The following ARB2A variants were observed in gnomAD, a reference collection of about 807,000 sequenced individuals.
ARB2A encodes the protein cotranscriptional regulator ARB2A.
chr5:93,804,185 T>C, the ARB2A span, among the ~76,000 whole-genome samples: 1 of 152,140 alleles, frequency 6.6e-6, no homozygotes, highest in African/African-American at 2.4e-5. Context: ...ATACAAATTT[T>C]GTTTTGCGTA....
chr5:93,949,695 G>A, the ARB2A span, among the ~76,000 whole-genome samples: 2 of 151,758 alleles, frequency 1.3e-5, no homozygotes, highest in Non-Finnish European at 2.9e-5. Flanking sequence ...ATCAATCATT[G>A]CTGACTGCAA....
At chr5:94,056,292 T>C in the ARB2A span, among the ~76,000 whole-genome samples, 1 of 152,198 alleles carries the variant, frequency 6.6e-6, no homozygotes. Context: ...AACAACTAAA[T>C]AAAAAGACAT....
chr5:93,640,940 G>A, the ARB2A span, among the ~76,000 whole-genome samples: 2 of 151,896 alleles, frequency 1.3e-5, no homozygotes, highest in African/African-American at 2.4e-5. Context: ...GGTGGTTCAC[G>A]CCTGTAATCC....
the ARB2A span, among the ~76,000 whole-genome samples, chr5:93,854,851 A>C: frequency 6.6e-6 from 1 of 152,082 alleles, no homozygotes; most frequent in South Asian, 2.1e-4. Flanking sequence ...GTTCTTTTAC[A>C]TTTGCTGAGG....
the ARB2A span, chr5:93,861,389 G>A: frequency 6.7e-6 from 1 of 148,556 alleles, no homozygotes; most frequent in Admixed American, 6.7e-5. Flanking sequence ...AACTTGCCCT[G>A]GATTTTCCAC....
At chr5:93,620,334 T>G in the ARB2A span, 1 of 152,190 alleles carries the variant, frequency 6.6e-6, no homozygotes, top group Non-Finnish European at 1.5e-5. Context: ...TTTATAGATT[T>G]TTATGCAGAG....
the ARB2A span, among the ~76,000 whole-genome samples, chr5:94,090,588 T>A: frequency 6.6e-6 from 1 of 152,210 alleles, no homozygotes; most frequent in Non-Finnish European, 1.5e-5. Context: ...AGAGAGGGCA[T>A]CCTTGTCTTG....
chr5:93,652,726 C>T, the ARB2A span, among the ~76,000 whole-genome samples: 23 of 152,252 alleles, frequency 1.5e-4, no homozygotes, highest in African/African-American at 4.8e-4. Flanking sequence ...TTAAAGGCTT[C>T]GATGTGCTGA....
chr5:94,106,534 A>C, the ARB2A span, among the ~76,000 whole-genome samples: 1 of 152,094 alleles, frequency 6.6e-6, no homozygotes, highest in Non-Finnish European at 1.5e-5. Context: ...GGGGGAATGT[A>C]AATTTCAGCC....
chr5:93,878,406 T>G, the ARB2A span, among the ~76,000 whole-genome samples: 6 of 151,930 alleles, frequency 3.9e-5, no homozygotes, highest in Non-Finnish European at 1.5e-5. Context: ...TATGTGACCT[T>G]TGAAAAATTA....
At chr5:93,640,064 C>CAAA in the ARB2A span, among the ~76,000 whole-genome samples, 2 of 59,250 alleles carry the variant, frequency 3.4e-5, no homozygotes, top group Non-Finnish European at 6.4e-5. Flanking sequence ...ACTCTGTCTC[C>CAAA]AAAAAAAAAA....
the ARB2A span, among the ~76,000 whole-genome samples, chr5:93,673,419 T>C: frequency 1.3e-5 from 2 of 152,130 alleles, no homozygotes; most frequent in Non-Finnish European, 2.9e-5. Context: ...CTTTCAGCAT[T>C]ATTGTGTCAA....
At chr5:93,711,054 G>T in the ARB2A span, among the ~76,000 whole-genome samples, 2 of 151,992 alleles carry the variant, frequency 1.3e-5, no homozygotes, top group Non-Finnish European at 2.9e-5. Flanking sequence ...CTTCAATCTG[G>T]CAGTTTTACC....
the ARB2A span, among the ~76,000 whole-genome samples, chr5:93,640,433 AG>A: frequency 6.6e-6 from 1 of 151,980 alleles, no homozygotes; most frequent in South Asian, 2.1e-4. Context: ...TGGGCGACAG[AG>A]CAAGACTCCG....
At chr5:93,981,179 C>T in the ARB2A span, among the ~76,000 whole-genome samples, 1 of 151,934 alleles carries the variant, frequency 6.6e-6, no homozygotes, top group Admixed American at 6.6e-5. Context: ...ATGATCCTCC[C>T]ACCTCAGCTC....
the ARB2A span, among the ~76,000 whole-genome samples, chr5:93,980,229 T>G: frequency 6.6e-6 from 1 of 152,202 alleles, no homozygotes; most frequent in Non-Finnish European, 1.5e-5. Flanking sequence ...TATCTGAACC[T>G]AATTTTGAAT....
the ARB2A span, among the ~76,000 whole-genome samples, chr5:93,995,835 A>G: frequency 6.6e-6 from 1 of 152,176 alleles, no homozygotes; most frequent in African/African-American, 2.4e-5. Context: ...ACATACATAC[A>G]TGAAATTTCA....
the ARB2A span, among the ~76,000 whole-genome samples, chr5:94,031,272 G>A: frequency 1.3e-5 from 2 of 152,196 alleles, no homozygotes; most frequent in African/African-American, 4.8e-5. Flanking sequence ...ACCTTAAGTG[G>A]TCATAACCAG....
At chr5:93,731,504 C>A in the ARB2A span, among the ~76,000 whole-genome samples, 1 of 152,174 alleles carries the variant, frequency 6.6e-6, no homozygotes, top group Non-Finnish European at 1.5e-5. Flanking sequence ...TCAAGCCACC[C>A]AATCTGTGGT....
Sources: allele counts gnomAD v4.1 joint callset (sites outside exome capture counted in the v4.1 genomes callset), GRCh38; gene constraint gnomAD v4.1.1; transcripts MANE v1.5; gene names NCBI Gene and HGNC (gene_info 2026-07-23, HGNC 2026-07-21).